STYX: variants seen among roughly 807,000 people sequenced by gnomAD.
STYX encodes serine/threonine/tyrosine interacting protein.
A neutral mutation model predicts 42.7 loss-of-function variants in STYX; 20 were observed. The ratio of observed to expected loss-of-function variants is 0.47; its 90% CI spans 0.33 to 0.68. STYX has a LOEUF of 0.68. Ranked by LOEUF, STYX falls within the 30% of genes least tolerant of loss-of-function variation. The probability of loss-of-function intolerance (pLI) is 0.02; values close to 1 mark genes in which losing one functional copy is unlikely to be tolerated. For missense variants in STYX, 226 were observed against 268.5 expected (o/e 0.84, Z 1.11); for synonymous variants, 78 against 81.9 (o/e 0.95, Z 0.26).
At chr14:52,739,394 A>G (rs1025048496) in intron 1 of STYX, among the ~76,000 whole-genome samples, 4 of 151,760 alleles carry the variant, frequency 2.6e-5, no homozygotes, top group African/African-American at 9.7e-5. Flanking sequence ...TCTTTAATTG[A>G]TTTTCTTCTT....
rs150512325 is a variant in STYX, at chr14:52,747,070, G to A, written c.144+591G>A. Among the ~76,000 whole-genome samples, 46 of 152,246 alleles carry A rather than the reference G, an allele frequency of 3.0e-4. No individual in the cohort carries two copies. The East Asian group carries it at 8.5e-3, about 28-fold the overall frequency. ...TCAATTATAAGTATAATGCAAATAG[G>A]CAAAACAAACAAATCCAAACTCTGA... On this transcript the variant is annotated intron_variant, in intron 3 of 10. Coordinates refer to ENST00000354586, the MANE Select transcript of STYX (RefSeq NM_145251.4).
intron 4 of STYX, among the ~76,000 whole-genome samples, chr14:52,754,690 T>G (rs1260052433): frequency 1.3e-5 from 2 of 152,286 alleles, no homozygotes; most frequent in East Asian, 3.9e-4. Context: ...ATAGAATTAT[T>G]AAAGAAAATG....
In STYX at chr14:52,774,570, C is replaced by CT. The variant is rs1369379449; in HGVS notation, c.*3465dup. ...TTTAATTGATTAGAAAAGTAAGTCT[C>CT]TAGGGTCTTTGAATGCTGGAATTTT... is the stretch of plus-strand genomic sequence containing the variant. On this transcript the variant is annotated 3_prime_UTR_variant, in exon 11 of 11. Transcript: ENST00000354586. The CT allele has an allele frequency of 6.7e-6, 1 of 148,336 alleles. No homozygotes were observed. The highest frequency in any genetic ancestry group is 2.5e-5 in the African/African-American group (1 of 40,254). The allele number at this position is 148,336 out of a possible 1,614,324, so 9.2% of individuals were successfully genotyped here. A position where few individuals can be genotyped will look rare whatever the true frequency, so the allele number is the denominator to read the frequency against.
intron 1 of STYX, among the ~76,000 whole-genome samples, chr14:52,740,397 C>T (rs1881139645): frequency 6.6e-6 from 1 of 152,128 alleles, no homozygotes; most frequent in Non-Finnish European, 1.5e-5. Flanking sequence ...TTTTATGCAG[C>T]CAATATTTGT....
At chr14:52,756,423 G>C in intron 4 of STYX, 128 bp from the exon 5 acceptor site, 1 of 579,240 alleles carries the variant, frequency 1.7e-6, no homozygotes, top group South Asian at 2.2e-5. Context: ...CACAGTTCTT[G>C]GGAATATGAT....
At chr14:52,736,863 C>T (rs1369199158) in intron 1 of STYX, among the ~76,000 whole-genome samples, 2 of 152,156 alleles carry the variant, frequency 1.3e-5, no homozygotes, top group Non-Finnish European at 2.9e-5. Flanking sequence ...TGCCCACCTT[C>T]TCTTTTTATT....
chr14:52,768,113 G>A (rs916923151), intron 9 of STYX, among the ~76,000 whole-genome samples: 1 of 152,036 alleles, frequency 6.6e-6, no homozygotes, highest in Non-Finnish European at 1.5e-5. Context: ...CTTTTTTAGC[G>A]AGCTATGAAC....
chr14:52,761,534 C>A lies in STYX; in HGVS notation c.504+1780C>A, dbSNP rs140214840. 1.4e-3 allele frequency among the ~76,000 whole-genome samples: 204 copies of A among 151,106 alleles called. 2 individuals carry two copies. The highest frequency in any genetic ancestry group is 4.8e-3 in the African/African-American group (197 of 41,202). On this transcript the variant is annotated intron_variant, in intron 9 of 10. Coordinates refer to ENST00000354586, the MANE Select transcript of STYX (RefSeq NM_145251.4). ...TGCCTATTCCTCCGAGTGCCTATTT[C>A]CTCCTACCCTAATTAACACCAGTAG...
intron 4 of STYX, among the ~76,000 whole-genome samples, chr14:52,753,892 A>ATT (rs56734068): frequency 0.24 from 18,572 of 77,064 alleles, 5,210 homozygotes; most frequent in Non-Finnish European, 0.29. Context: ...CAAAACACTG[A>ATT]TTTTTTTTTT....
intron 1 of STYX, among the ~76,000 whole-genome samples, chr14:52,735,178 A>G (rs887178790): frequency 1.3e-5 from 2 of 152,190 alleles, no homozygotes; most frequent in African/African-American, 4.8e-5. Flanking sequence ...TCTTATCTCT[A>G]CTTTCTCTCG....
intron 2 of STYX, among the ~76,000 whole-genome samples, chr14:52,745,112 GTTTTTTTTTTGT>G (rs1433893469): frequency 2.9e-5 from 4 of 138,800 alleles, no homozygotes; most frequent in African/African-American, 5.3e-5. Flanking sequence ...CTTTCTCTTG[GTTTTTTTTTTGT>G]TTTTTTTTTT....
chr14:52,738,275 C>G (rs753792827), intron 1 of STYX, among the ~76,000 whole-genome samples: 1 of 152,228 alleles, frequency 6.6e-6, no homozygotes, highest in African/African-American at 2.4e-5. Flanking sequence ...GGCTTCTTAT[C>G]TGTCCTGTGA....
At chr14:52,763,136 G>T (rs761974194) in intron 9 of STYX, among the ~76,000 whole-genome samples, 1 of 151,662 alleles carries the variant, frequency 6.6e-6, no homozygotes, top group Non-Finnish European at 1.5e-5. Flanking sequence ...CTGGTGATCC[G>T]CCCGCCTCGG....
At chr14:52,730,696 G>T (rs1346323550) in intron 1 of STYX, among the ~76,000 whole-genome samples, 165 bp downstream of exon 1, 1 of 152,212 alleles carries the variant, frequency 6.6e-6, no homozygotes, top group African/African-American at 2.4e-5. Context: ...TCCCCACTGA[G>T]TTGCTCGTCC....
chr14:52,751,040 A>G (rs1472953289), intron 4 of STYX, among the ~76,000 whole-genome samples: 2 of 152,118 alleles, frequency 1.3e-5, no homozygotes, highest in Admixed American at 1.3e-4. Context: ...TATACTGAAA[A>G]ATAGGTTTTA....
chr14:52,760,586 A>C (rs2139924448), intron 9 of STYX, among the ~76,000 whole-genome samples: 1 of 152,350 alleles, frequency 6.6e-6, no homozygotes, highest in African/African-American at 2.4e-5. Context: ...CTCATGTTTC[A>C]ACATCAAGAA....
At chr14:52,761,393 A>T (rs1882089594) in intron 9 of STYX, among the ~76,000 whole-genome samples, 1 of 152,030 alleles carries the variant, frequency 6.6e-6, no homozygotes, top group Non-Finnish European at 1.5e-5. Context: ...TATACCTGTA[A>T]GGTAACTGAA....
intron 10 of STYX, among the ~76,000 whole-genome samples, chr14:52,769,450 C>G (rs777777007): frequency 6.6e-6 from 1 of 152,098 alleles, no homozygotes; most frequent in Non-Finnish European, 1.5e-5. Flanking sequence ...TTTTCCTACC[C>G]TGCAGTTCAC....
rs555136833 is a variant in STYX, at chr14:52,771,812, CATG to C, written c.*709_*711del. 61 of 152,424 alleles carry C rather than the reference CATG, an allele frequency of 4.0e-4. 1 individual carries two copies. The East Asian group carries it at 0.011, about 27-fold the overall frequency. The allele number at this position is 152,424 out of a possible 1,614,324, so 9.4% of individuals were successfully genotyped here. ...TCTATATTTTAAAAACTACAGTTTC[CATG>C]ATAAAAGGAAAACGTTTTGATTTAT... On this transcript the variant is annotated 3_prime_UTR_variant, in exon 11 of 11. Transcript: ENST00000354586.
Sources: gnomAD v4.1 joint callset for allele counts (sites outside exome capture counted in the v4.1 genomes callset) on GRCh38, gnomAD v4.1.1 for gene constraint, MANE v1.5 for transcripts, NCBI Gene and HGNC (gene_info 2026-07-23, HGNC 2026-07-21) for gene names.